Variants in SOX5 observed in about 807,000 individuals in gnomAD.
SOX5 encodes the protein transcription factor SOX-5.
A neutral mutation model predicts 92.0 loss-of-function variants in SOX5; 9 were observed. That is an observed-to-expected ratio of 0.10 (90% confidence interval 0.06 to 0.17). The LOEUF is 0.17. Ranked by LOEUF, SOX5 falls within the 10% of genes least tolerant of loss-of-function variation. SOX5 has a pLI of 1.00. For missense variants in SOX5, 642 were observed against 944.5 expected (o/e 0.68, Z 4.20); for synonymous variants, 344 against 336.3 (o/e 1.02, Z -0.25).
chr12:24,137,998 G>A (rs540637836), intron 4 of SOX5, among the ~76,000 whole-genome samples: 52 of 152,346 alleles, frequency 3.4e-4, no homozygotes, highest in African/African-American at 1.3e-3. Context: ...TAACGGAGCT[G>A]GCAAGGAACT....
chr12:24,036,300 AG>A (rs1260830033), intron 4 of SOX5, among the ~76,000 whole-genome samples: 2 of 152,090 alleles, frequency 1.3e-5, no homozygotes, highest in Admixed American at 6.6e-5. Flanking sequence ...GGCCTTAGGA[AG>A]GGGGTAGTCC....
chr12:24,147,829 A>G (rs1446977147), intron 4 of SOX5, among the ~76,000 whole-genome samples: 1 of 152,192 alleles, frequency 6.6e-6, no homozygotes, highest in Non-Finnish European at 1.5e-5. Context: ...TAAAAAACCT[A>G]AGGATTAATC....
chr12:23,917,628 C>T (rs922713404), intron 1 of SOX5, among the ~76,000 whole-genome samples: 1 of 152,090 alleles, frequency 6.6e-6, no homozygotes, highest in Non-Finnish European at 1.5e-5. Context: ...CTTGCTTCAA[C>T]AGGTAGTGTG....
chr12:23,813,679 G>A (rs568356350), intron 3 of SOX5, among the ~76,000 whole-genome samples: 18 of 151,934 alleles, frequency 1.2e-4, no homozygotes, highest in Admixed American at 1.0e-3. Context: ...TTCCTCATCC[G>A]TGTACCATTT....
chr12:24,020,216 C>G (rs981948982), intron 4 of SOX5, among the ~76,000 whole-genome samples: 2 of 152,086 alleles, frequency 1.3e-5, no homozygotes, highest in African/African-American at 4.8e-5. Flanking sequence ...GACTTGGGCC[C>G]CAACATTAAC....
At chr12:24,117,287 G>T (rs372334431) in intron 4 of SOX5, among the ~76,000 whole-genome samples, 208 of 152,254 alleles carry the variant, frequency 1.4e-3, no homozygotes, top group Non-Finnish European at 2.5e-3. Context: ...TGTTAGAAGG[G>T]CTGCTATCTA....
intron 3 of SOX5, among the ~76,000 whole-genome samples, chr12:23,778,006 C>G (rs35335902): frequency 0.1 from 15,167 of 152,168 alleles, 942 homozygotes; most frequent in Non-Finnish European, 0.14. Context: ...ACAACTTCAT[C>G]TGAGGCTCCA....
intron 7 of SOX5, among the ~76,000 whole-genome samples, chr12:23,641,157 G>A (rs950268918): frequency 6.6e-6 from 1 of 152,106 alleles, no homozygotes; most frequent in East Asian, 1.9e-4. Context: ...GAGGGAAAGT[G>A]AGCATTGATC....
At chr12:23,930,733 A>G (rs921336682) in intron 1 of SOX5, among the ~76,000 whole-genome samples, 8 of 151,758 alleles carry the variant, frequency 5.3e-5, no homozygotes, top group African/African-American at 1.9e-4. Context: ...CAGGGAAGTT[A>G]AAGAATTTAC....
intron 3 of SOX5, among the ~76,000 whole-genome samples, chr12:23,816,733 T>C (rs758458890): frequency 3.9e-5 from 6 of 152,004 alleles, no homozygotes; most frequent in Non-Finnish European, 8.8e-5. Flanking sequence ...CAAGGAAAAG[T>C]AGGAAATGAG....
At chr12:24,086,197 T>C (rs894565879) in intron 4 of SOX5, among the ~76,000 whole-genome samples, 1 of 151,220 alleles carries the variant, frequency 6.6e-6, no homozygotes, top group East Asian at 1.9e-4. Flanking sequence ...TGCAGTACAT[T>C]TTTTTTTTCA....
chr12:23,563,196 T>TTA, intron 11 of SOX5, 62 bp downstream of exon 11: 1 of 1,320,464 alleles, frequency 7.6e-7, no homozygotes, highest in African/African-American at 1.5e-5. Context: ...ATATTTTTTT[T>TTA]AAAAAAGCAT....
In SOX5 at chr12:23,557,939, G is replaced by T. The variant is rs919015886; in HGVS notation, c.1488+5319C>A. On this transcript the variant is annotated intron_variant, in intron 11 of 14. Transcript: ENST00000451604. ...TGCAGTGAGCCAGGATCGCGCCATT[G>T]CACTCCAGCCTGGGTGACAGAGCGA... Among the ~76,000 whole-genome samples, 15 of 144,124 alleles carry T rather than the reference G, an allele frequency of 1.0e-4. 1 individual carries two copies. Among genetic ancestry groups the T allele is most frequent in the African/African-American group, 3.6e-4 (14 of 38,530 alleles). The allele number at this position is 144,124 out of a possible 152,430, so 94.6% of individuals were successfully genotyped here.
intron 6 of SOX5, among the ~76,000 whole-genome samples, chr12:23,694,954 A>T (rs531549349): frequency 2.6e-5 from 4 of 152,164 alleles, no homozygotes; most frequent in Non-Finnish European, 5.9e-5. Flanking sequence ...CCCTATCTCT[A>T]CAAAAAATTT....
chr12:24,508,727 T>G (rs1355600690), intron 1 of SOX5, among the ~76,000 whole-genome samples: 2 of 151,976 alleles, frequency 1.3e-5, no homozygotes, highest in Admixed American at 1.3e-4. Context: ...AATCACTAAA[T>G]AAATGTTGAG....
chr12:23,944,243 GAAGGCGC>G lies in SOX5; in HGVS notation c.38+5314_38+5320del, dbSNP rs1236131043. ...ACTGAGCAGAATGCAGCTCTACAAT[GAAGGCGC>G]AAGAGCTGGGAACAACTTTGAGTCT... On this transcript the variant is annotated intron_variant, in intron 1 of 14. Coordinates refer to ENST00000451604, the MANE Select transcript of SOX5 (RefSeq NM_006940.6). 3 of 152,120 alleles carry G rather than the reference GAAGGCGC, an allele frequency of 2.0e-5. 1 individual carries two copies. 9.4% of individuals were successfully genotyped at this position (152,120 alleles called of 1,614,324 possible). A position where few individuals can be genotyped will look rare whatever the true frequency, so the allele number is the denominator to read the frequency against.
At chr12:23,611,717 A>T (rs536668616) in intron 8 of SOX5, among the ~76,000 whole-genome samples, 1 of 152,150 alleles carries the variant, frequency 6.6e-6, no homozygotes, top group Non-Finnish European at 1.5e-5. Context: ...GTATGGTTTG[A>T]TCCAACTATT....
At chr12:23,966,841 T>C (rs1296499588) in intron 4 of SOX5, among the ~76,000 whole-genome samples, 2 of 152,148 alleles carry the variant, frequency 1.3e-5, no homozygotes, top group Non-Finnish European at 2.9e-5. Context: ...TTAGAGCCAA[T>C]AGTGTTGTTT....
chr12:24,048,401 TAAAG>T (rs947092251), intron 4 of SOX5, among the ~76,000 whole-genome samples: 1 of 152,140 alleles, frequency 6.6e-6, no homozygotes, highest in African/African-American at 2.4e-5. Context: ...CTGTACAAAA[TAAAG>T]AGTTATAAAC....
Sources: gnomAD v4.1 joint callset for allele counts (sites outside exome capture counted in the v4.1 genomes callset) on GRCh38, gnomAD v4.1.1 for gene constraint, MANE v1.5 for transcripts, NCBI Gene and HGNC (gene_info 2026-07-23, HGNC 2026-07-21) for gene names.